Variants in XPOT observed in about 807,000 individuals in gnomAD.
XPOT encodes exportin for tRNA.
In XPOT, 34 loss-of-function variants were observed where a neutral mutation model predicts 128.2. That is an observed-to-expected ratio of 0.27 (90% CI 0.20 to 0.35). The LOEUF (loss-of-function observed/expected upper bound fraction) is 0.35, where lower values mean the gene tolerates loss of function less well. Ranked by LOEUF, XPOT falls within the 10% of genes least tolerant of loss-of-function variation. The probability of loss-of-function intolerance (pLI) is 1.00; values close to 1 mark genes in which losing one functional copy is unlikely to be tolerated. For missense variants in XPOT, 838 were observed against 1,125.3 expected (o/e 0.74, Z 3.65); for synonymous variants, 348 against 394.3 (o/e 0.88, Z 1.39).
At chr12:64,430,657 T>C (rs2040231163) in intron 17 of XPOT, among the ~76,000 whole-genome samples, 2 of 152,184 alleles carry the variant, frequency 1.3e-5, no homozygotes, top group South Asian at 4.1e-4. Flanking sequence ...TATTGTGTCC[T>C]GAAGATCACC....
chr12:64,432,578 A>G (rs960637640), intron 18 of XPOT, among the ~76,000 whole-genome samples: 11 of 152,130 alleles, frequency 7.2e-5, no homozygotes, highest in Non-Finnish European at 1.3e-4. Context: ...TGTTCTAAGC[A>G]TTTTTTGTAC....
At chr12:64,429,045 A>G (rs2040215667) in intron 16 of XPOT, among the ~76,000 whole-genome samples, 1 of 152,232 alleles carries the variant, frequency 6.6e-6, no homozygotes, top group Non-Finnish European at 1.5e-5. Context: ...ATGGGTCACT[A>G]CAACATATGC....
At position 64,442,841 on chromosome 12, in the gene XPOT, TTTTG is replaced by T. The variant is rs2040336674; in HGVS notation, c.2806-2225_2806-2222del. ...ACATCATGATCTGCATCCAAGGGTT[TTTTG>T]TTTGTTTGAGATGGAGTCTTGCTCT... On this transcript the variant is annotated intron_variant, in intron 23 of 24. Coordinates refer to ENST00000332707, the MANE Select transcript of XPOT (RefSeq NM_007235.6). 2.5e-5 allele frequency: 4 copies of T among 158,998 alleles called. 1 individual carries two copies. The highest frequency in any genetic ancestry group is 2.8e-5 in the Non-Finnish European group (2 of 72,072). The allele number at this position is 158,998 out of a possible 1,614,324, so 9.8% of individuals were successfully genotyped here.
chr12:64,415,422 T>C (rs558831734), intron 3 of XPOT, among the ~76,000 whole-genome samples: 1 of 152,136 alleles, frequency 6.6e-6, no homozygotes, highest in African/African-American at 2.4e-5. Flanking sequence ...TCGCCCAGGC[T>C]GAAGTGCAGT....
At chr12:64,411,995 C>T (rs1011162096) in intron 2 of XPOT, among the ~76,000 whole-genome samples, 3 of 150,380 alleles carry the variant, frequency 2.0e-5, no homozygotes, top group Non-Finnish European at 4.4e-5. Context: ...CGTTATCTCT[C>T]CTCTCCTTCC....
intron 12 of XPOT, 54 bp downstream of exon 12, chr12:64,424,777 T>TA: frequency 5.0e-6 from 8 of 1,597,138 alleles, no homozygotes; most frequent in Non-Finnish European, 6.8e-6. Flanking sequence ...TGCTCTTTGA[T>TA]ATGGGTCAAA....
intron 15 of XPOT, among the ~76,000 whole-genome samples, chr12:64,426,680 T>C (rs1324897775): frequency 2.6e-5 from 4 of 152,112 alleles, no homozygotes; most frequent in Non-Finnish European, 2.9e-5. Flanking sequence ...GTGTACCCCC[T>C]GAATTTAAAA....
At position 64,446,659 on chromosome 12, in the gene XPOT, C is replaced by T. The variant is rs552746108; in HGVS notation, c.2863-1446C>T. On this transcript the variant is annotated intron_variant, in intron 24 of 24. Coordinates refer to ENST00000332707, the MANE Select transcript of XPOT (RefSeq NM_007235.6). ...TTTTCATATTCTGCCCTGAGACTAC[C>T]TTTCTGTTTTTTCTTGCAGAAATGG... 3.6e-4 allele frequency among the ~76,000 whole-genome samples: 55 copies of T among 151,450 alleles called. No individual in the cohort carries two copies. The South Asian group carries it at 8.2e-3, about 22-fold the overall frequency.
chr12:64,430,612 C>T (rs1195337616), intron 17 of XPOT, among the ~76,000 whole-genome samples: 1 of 152,108 alleles, frequency 6.6e-6, no homozygotes, highest in Non-Finnish European at 1.5e-5. Flanking sequence ...TCTTGGTTAC[C>T]TTAAAGAGAA....
intron 9 of XPOT, among the ~76,000 whole-genome samples, chr12:64,422,101 C>T (rs1261190998): frequency 1.3e-5 from 2 of 152,162 alleles, no homozygotes; most frequent in Non-Finnish European, 2.9e-5. Context: ...TGAGCCACCA[C>T]GCCCGGCAAC....
chr12:64,447,382 T>C (rs559465442), intron 24 of XPOT, among the ~76,000 whole-genome samples: 30 of 152,376 alleles, frequency 2.0e-4, no homozygotes, highest in African/African-American at 6.5e-4. Flanking sequence ...GTCTCAAATT[T>C]TGACTTGGAA....
chr12:64,448,182 A>C lies in XPOT; in HGVS notation c.*51A>C. The C allele has an allele frequency of 6.3e-7, 1 of 1,579,874 alleles. No homozygotes were observed. The highest frequency in any genetic ancestry group is 8.7e-7 in the Non-Finnish European group (1 of 1,149,118). On this transcript the variant is annotated 3_prime_UTR_variant, in exon 25 of 25. Coordinates refer to ENST00000332707, the MANE Select transcript of XPOT (RefSeq NM_007235.6). ...CATGATCATGAATTCCAGTTAATTT[A>C]TAAAGAGGCGATTTTTGTGTGCCAT...
At chr12:64,416,353 C>T (rs2040087304) in intron 3 of XPOT, among the ~76,000 whole-genome samples, 1 of 152,132 alleles carries the variant, frequency 6.6e-6, no homozygotes, top group Non-Finnish European at 1.5e-5. Flanking sequence ...TTACACCTAA[C>T]CTGTTATTGT....
intron 1 of XPOT, among the ~76,000 whole-genome samples, chr12:64,408,787 C>T (rs557019108): frequency 1.3e-5 from 2 of 152,166 alleles, no homozygotes; most frequent in African/African-American, 4.8e-5. Flanking sequence ...GATTCTTGTG[C>T]CTCAGTCACC....
intron 1 of XPOT, among the ~76,000 whole-genome samples, chr12:64,409,469 C>T (rs570429108): frequency 4.2e-4 from 64 of 152,328 alleles, no homozygotes; most frequent in African/African-American, 1.5e-3. Context: ...GGTGGGGTGG[C>T]TCATGCCTGT....
Position 64,404,806 on chromosome 12 carries a change from T to C in XPOT, c.-75+2T>C, listed in dbSNP as rs1246267524. 1 of 152,256 alleles carries C rather than the reference T, an allele frequency of 6.6e-6. No individual in the cohort carries two copies. The highest frequency in any genetic ancestry group is 1.9e-4 in the East Asian group (1 of 5,164). The allele number at this position is 152,256 out of a possible 1,614,324, so 9.4% of individuals were successfully genotyped here. On this transcript the variant is annotated splice_donor_variant, in intron 1 of 24. Coordinates refer to ENST00000332707, the MANE Select transcript of XPOT (RefSeq NM_007235.6). LOFTEE classifies it low-confidence loss of function (5UTR_SPLICE). ...AGGCGGGATGGAGTGATAGGGAAGG[T>C]GACTCGGGGCTCGGGGGCAGCGGGA...
chr12:64,410,443 G>T (rs2040027119), intron 2 of XPOT, among the ~76,000 whole-genome samples: 2 of 151,984 alleles, frequency 1.3e-5, no homozygotes, highest in Admixed American at 1.3e-4. Flanking sequence ...TCCTTGGCTT[G>T]ATCTATACAA....
intron 23 of XPOT, among the ~76,000 whole-genome samples, chr12:64,440,215 A>G (rs972840614): frequency 5.3e-5 from 8 of 152,210 alleles, no homozygotes; most frequent in Non-Finnish European, 8.8e-5. Context: ...TATAAGTGGA[A>G]TCATGCAGTT....
chr12:64,413,331 GGCCTCAAGTGATCTTCCA>G (rs113313945), intron 2 of XPOT, among the ~76,000 whole-genome samples: 13 of 152,220 alleles, frequency 8.5e-5, no homozygotes, highest in East Asian at 1.9e-4. Flanking sequence ...TTGAACTGCT[GGCCTCAAGTGATCTTCCA>G]GCCTCAAGTG....
Sources: gnomAD v4.1 joint callset for allele counts (sites outside exome capture counted in the v4.1 genomes callset) on GRCh38, gnomAD v4.1.1 for gene constraint, MANE v1.5 for transcripts, NCBI Gene and HGNC (gene_info 2026-07-23, HGNC 2026-07-21) for gene names.